The following CDH13 variants were observed in gnomAD, a reference collection of about 807,000 sequenced individuals.
CDH13 encodes the protein cadherin 13, also known as cadherin-13.
A neutral mutation model predicts 63.8 loss-of-function variants in CDH13; 24 were observed. The observed-to-expected ratio is 0.38, with a 90% CI of 0.27 to 0.53. The LOEUF is 0.53. Ranked by LOEUF, CDH13 falls within the 20% of genes least tolerant of loss-of-function variation. The pLI is 0.85. For missense variants in CDH13, 1,049 were observed against 903.1 expected (o/e 1.16, Z -2.07); for synonymous variants, 503 against 355.3 (o/e 1.42, Z -4.67).
intron 10 of CDH13, among the ~76,000 whole-genome samples, chr16:83,744,718 A>G (rs183301579): frequency 6.6e-6 from 1 of 152,296 alleles, no homozygotes; most frequent in East Asian, 1.9e-4. Context: ...CCCGCACAAG[A>G]CCAAGCCCTT....
At chr16:83,558,809 T>C (rs1381643447) in intron 7 of CDH13, among the ~76,000 whole-genome samples, 1 of 152,166 alleles carries the variant, frequency 6.6e-6, no homozygotes, top group African/African-American at 2.4e-5. Flanking sequence ...AAAGGGTACA[T>C]CTTTAAATAA....
chr16:83,571,795 C>G (rs1904647903), intron 7 of CDH13, among the ~76,000 whole-genome samples: 1 of 152,172 alleles, frequency 6.6e-6, no homozygotes, highest in African/African-American at 2.4e-5. Context: ...TGGTTTGTCT[C>G]AATTCTATGC....
intron 5 of CDH13, among the ~76,000 whole-genome samples, chr16:83,302,821 G>A (rs1047399367): frequency 1.3e-4 from 20 of 152,222 alleles, no homozygotes; most frequent in African/African-American, 4.6e-4. Flanking sequence ...CAGTGAGGTT[G>A]CTTTAGCTTC....
rs146243250 is a variant in CDH13 at position 83,019,977 on chromosome 16, G to A, written c.158-12033G>A. ...ACTTTTATGACTGAAAGTGCTATAG[G>A]TTTGTTTACACCAGCATCACCACAA... On this transcript the variant is annotated intron_variant, in intron 2 of 13. Coordinates refer to ENST00000567109, the MANE Select transcript of CDH13 (RefSeq NM_001257.5). Among the ~76,000 whole-genome samples, 872 of 152,068 alleles carry A rather than the reference G, an allele frequency of 5.7e-3. 6 individuals are homozygous for A. The highest frequency in any genetic ancestry group is 7.5e-3 in the Non-Finnish European group (507 of 67,980).
chr16:83,620,837 T>C (rs1598380529), intron 8 of CDH13, among the ~76,000 whole-genome samples: 1 of 152,318 alleles, frequency 6.6e-6, no homozygotes, highest in South Asian at 2.1e-4. Flanking sequence ...GCAAGTGTCC[T>C]ATCAAGAACG....
chr16:82,761,521 C>T (rs1282465720), intron 1 of CDH13, among the ~76,000 whole-genome samples: 1 of 152,200 alleles, frequency 6.6e-6, no homozygotes, highest in East Asian at 1.9e-4. Context: ...ACTTCTCAAT[C>T]AATTATTTGG....
chr16:83,209,723 C>G (rs1277473488), intron 4 of CDH13, among the ~76,000 whole-genome samples: 4 of 152,152 alleles, frequency 2.6e-5, no homozygotes, highest in African/African-American at 9.7e-5. Context: ...TACCACCACC[C>G]ACCAAGAGGC....
intron 7 of CDH13, among the ~76,000 whole-genome samples, chr16:83,579,188 C>G (rs1374631754): frequency 1.3e-5 from 2 of 152,232 alleles, no homozygotes; most frequent in South Asian, 2.1e-4. Flanking sequence ...CTCTACCTCA[C>G]TGTTACCACC....
chr16:83,079,766 G>A (rs962962249), intron 3 of CDH13, among the ~76,000 whole-genome samples: 1 of 152,142 alleles, frequency 6.6e-6, no homozygotes, highest in Admixed American at 6.5e-5. Flanking sequence ...CAGTCAAGTT[G>A]TTTTTGAGAA....
At chr16:83,518,456 G>A (rs1473767117) in intron 7 of CDH13, among the ~76,000 whole-genome samples, 21 of 144,144 alleles carry the variant, frequency 1.5e-4, no homozygotes, top group Non-Finnish European at 6.0e-5. Flanking sequence ...AGATGTGATG[G>A]GTTTTTTTTT....
chr16:83,333,059 T>A (rs2090512064), intron 5 of CDH13, among the ~76,000 whole-genome samples: 1 of 152,122 alleles, frequency 6.6e-6, no homozygotes, highest in South Asian at 2.1e-4. Context: ...GCCCCTTTGA[T>A]CGTTTTTATA....
chr16:83,303,663 C>T (rs1277251645), intron 5 of CDH13, among the ~76,000 whole-genome samples: 1 of 152,132 alleles, frequency 6.6e-6, no homozygotes. Flanking sequence ...AACGAACAGC[C>T]TTATCCTGTG....
chr16:83,038,216 T>C (rs371369539), intron 3 of CDH13, among the ~76,000 whole-genome samples: 1 of 152,236 alleles, frequency 6.6e-6, no homozygotes, highest in East Asian at 1.9e-4. Context: ...AGCCTGGCTC[T>C]TCTTTAATAA....
intron 1 of CDH13, among the ~76,000 whole-genome samples, chr16:82,747,209 C>T (rs79765084): frequency 0.095 from 14,377 of 152,070 alleles, 763 homozygotes; most frequent in East Asian, 0.22. Flanking sequence ...AACTGTGGTC[C>T]GTAGATCAGT....
intron 5 of CDH13, among the ~76,000 whole-genome samples, chr16:83,289,752 T>C (rs1257696677): frequency 6.6e-6 from 1 of 152,148 alleles, no homozygotes; most frequent in African/African-American, 2.4e-5. Context: ...CACTTTGAAA[T>C]GGGGATAATA....
intron 5 of CDH13, among the ~76,000 whole-genome samples, chr16:83,263,124 T>C (rs185533687): frequency 6.6e-6 from 1 of 152,268 alleles, no homozygotes; most frequent in East Asian, 1.9e-4. Context: ...ATGGGCTGAG[T>C]GTGATTATGC....
intron 1 of CDH13, among the ~76,000 whole-genome samples, chr16:82,705,614 G>C (rs1298758724): frequency 6.6e-6 from 1 of 151,804 alleles, no homozygotes; most frequent in South Asian, 2.1e-4. Context: ...TATTTTTTTG[G>C]TAGGGACACA....
chr16:82,842,434 C>G (rs921537433), intron 1 of CDH13, among the ~76,000 whole-genome samples: 1 of 151,888 alleles, frequency 6.6e-6, no homozygotes, highest in African/African-American at 2.4e-5. Context: ...CACTGTACCA[C>G]TCTTTATTTG....
At chr16:83,423,047 T>A (rs760236313) in intron 6 of CDH13, among the ~76,000 whole-genome samples, 3 of 152,206 alleles carry the variant, frequency 2.0e-5, no homozygotes, top group Non-Finnish European at 2.9e-5. Context: ...ATTCTGTACA[T>A]GTCTTTCTTC....
Sources: gnomAD v4.1 joint callset for allele counts (sites outside exome capture counted in the v4.1 genomes callset) on GRCh38, gnomAD v4.1.1 for gene constraint, MANE v1.5 for transcripts, NCBI Gene and HGNC (gene_info 2026-07-23, HGNC 2026-07-21) for gene names.